Variants in UTRN observed in about 807,000 individuals in gnomAD.
The protein encoded by UTRN is utrophin, also known as dystrophin-related protein 1.
Under a neutral mutation model 463.9 loss-of-function variants are expected in UTRN, and 283 were observed. The observed-to-expected ratio is 0.61, with a 90% CI of 0.55 to 0.67. UTRN has a LOEUF of 0.67. Ranked by LOEUF, UTRN falls within the 30% of genes least tolerant of loss-of-function variation. The probability of loss-of-function intolerance (pLI) is 0.00; values close to 1 mark genes in which losing one functional copy is unlikely to be tolerated. For missense variants in UTRN, 3,922 were observed against 4,084.3 expected (o/e 0.96, Z 1.08); for synonymous variants, 1,442 against 1,431.5 (o/e 1.01, Z -0.17).
At chr6:144,500,874 CT>C (rs1794108884) in intron 34 of UTRN, among the ~76,000 whole-genome samples, 1 of 152,194 alleles carries the variant, frequency 6.6e-6, no homozygotes, top group African/African-American at 2.4e-5. Flanking sequence ...TCCTAAATCT[CT>C]TTCCTGAGAA....
In UTRN at chr6:144,285,359, G is replaced by A. The variant is rs1352243230; in HGVS notation, c.-555G>A. On this transcript the variant is annotated 5_prime_UTR_variant, in exon 1 of 75. Transcript: ENST00000367545. ...CGTTTTTCCTCGGAGCAGGGAAGCG[G>A]GCAGCAGCAGCCGGCCGCGGGCTTT... Among the ~76,000 whole-genome samples, 2 of 152,382 alleles carry A rather than the reference G, an allele frequency of 1.3e-5. No individual in the cohort carries two copies. The highest frequency in any genetic ancestry group is 4.1e-4 in the South Asian group (2 of 4,834).
At chr6:144,709,690 A>G (rs972176947) in intron 53 of UTRN, among the ~76,000 whole-genome samples, 1 of 152,238 alleles carries the variant, frequency 6.6e-6, no homozygotes, top group Admixed American at 6.5e-5. Flanking sequence ...TGTCTAAAGA[A>G]TATCAGATGG....
intron 50 of UTRN, among the ~76,000 whole-genome samples, chr6:144,563,526 G>A (rs1348796786): frequency 6.6e-6 from 1 of 152,034 alleles, no homozygotes; most frequent in African/African-American, 2.4e-5. Flanking sequence ...CGAATGAATG[G>A]GCTTAGGTGA....
At chr6:144,556,540 GT>G (rs1799400888) in intron 49 of UTRN, among the ~76,000 whole-genome samples, 1 of 152,160 alleles carries the variant, frequency 6.6e-6, no homozygotes, top group Non-Finnish European at 1.5e-5. Flanking sequence ...TATATTAAAG[GT>G]TTCAGTTGTC....
Position 144,560,781 on chromosome 6 carries a change from C to A in UTRN, c.7289+3470C>A, listed in dbSNP as rs969760604. ...TTACCATGCAGCTCTTTATTAAAGTCTTTATTTATTCTGGTTAGTATGAAT... is the reference window on the plus strand; with the variant it reads ...TTACCATGCAGCTCTTTATTAAAGTATTTATTTATTCTGGTTAGTATGAAT... On this transcript the variant is annotated intron_variant, in intron 50 of 74. Coordinates refer to ENST00000367545, the MANE Select transcript of UTRN (RefSeq NM_007124.3). 2.6e-5 allele frequency among the ~76,000 whole-genome samples: 4 copies of A among 151,946 alleles called. No individual in the cohort carries two copies. In the South Asian group the frequency reaches 6.2e-4, roughly 24 times the overall value.
At chr6:144,461,938 AGGGGTACTTGTGCAGGATGT>A (rs1378955940) in intron 22 of UTRN, among the ~76,000 whole-genome samples, 1 of 152,068 alleles carries the variant, frequency 6.6e-6, no homozygotes, top group Non-Finnish European at 1.5e-5. Context: ...TTTTAAGTTC[AGGGGTACTTGTGCAGGATGT>A]GCAGGTTTGT....
intron 51 of UTRN, 47 bp downstream of exon 51, chr6:144,577,335 CT>C: frequency 1.3e-6 from 2 of 1,579,964 alleles, no homozygotes; most frequent in Non-Finnish European, 1.7e-6. Flanking sequence ...GCCCTGTGTG[CT>C]TTTGATCCCT....
intron 14 of UTRN, 22 bp from the exon 15 acceptor site, chr6:144,447,189 C>A: frequency 6.3e-7 from 1 of 1,598,570 alleles, no homozygotes; most frequent in Admixed American, 1.8e-5. Context: ...AGATAAAGTT[C>A]AACTTTTGTT....
chr6:144,661,535 C>T (rs1173398135), intron 51 of UTRN, among the ~76,000 whole-genome samples: 1 of 152,160 alleles, frequency 6.6e-6, no homozygotes, highest in African/African-American at 2.4e-5. Context: ...GGTTCTCCCT[C>T]AGCTTGCTCT....
intron 52 of UTRN, among the ~76,000 whole-genome samples, chr6:144,697,344 G>A (rs891153791): frequency 6.6e-6 from 1 of 152,142 alleles, no homozygotes; most frequent in Non-Finnish European, 1.5e-5. Context: ...GTTATCAATA[G>A]TCTTAGAGAA....
chr6:144,570,717 T>C (rs1445174641), intron 50 of UTRN, among the ~76,000 whole-genome samples: 2 of 152,202 alleles, frequency 1.3e-5, no homozygotes, highest in African/African-American at 4.8e-5. Flanking sequence ...AGTGTGCTGC[T>C]GAAGTTACTT....
intron 71 of UTRN, among the ~76,000 whole-genome samples, chr6:144,837,981 C>T (rs185774631): frequency 3.3e-5 from 5 of 152,166 alleles, no homozygotes; most frequent in Admixed American, 6.5e-5. Context: ...ACATTGAAAA[C>T]GTTACATTTT....
intron 2 of UTRN, among the ~76,000 whole-genome samples, chr6:144,385,444 C>T (rs184074504): frequency 6.6e-6 from 1 of 152,188 alleles, no homozygotes; most frequent in East Asian, 1.9e-4. Flanking sequence ...GACATACTTA[C>T]CAGCTATAAG....
intron 58 of UTRN, among the ~76,000 whole-genome samples, chr6:144,769,203 G>A (rs1470137576): frequency 6.6e-6 from 1 of 151,814 alleles, no homozygotes; most frequent in Non-Finnish European, 1.5e-5. Flanking sequence ...TTTGGCAAGA[G>A]GAGCTGAGCT....
intron 51 of UTRN, among the ~76,000 whole-genome samples, chr6:144,629,895 T>C (rs868051764): frequency 6.6e-6 from 1 of 152,204 alleles, no homozygotes; most frequent in South Asian, 2.1e-4. Flanking sequence ...CATTCAAATG[T>C]GGCATTCTGG....
intron 65 of UTRN, among the ~76,000 whole-genome samples, chr6:144,810,134 A>G (rs749609457): frequency 6.6e-6 from 1 of 152,134 alleles, no homozygotes; most frequent in Non-Finnish European, 1.5e-5. Context: ...TTCTGTTTTC[A>G]GTGATAAGGA....
chr6:144,339,787 TA>T (rs1449304266), intron 2 of UTRN, among the ~76,000 whole-genome samples: 3 of 152,206 alleles, frequency 2.0e-5, no homozygotes, highest in Admixed American at 6.5e-5. Flanking sequence ...TTTTTCTTTT[TA>T]AAAAAGCTGA....
At chr6:144,732,299 C>CACACACAT (rs1554360248) in intron 54 of UTRN, among the ~76,000 whole-genome samples, 1 of 128,726 alleles carries the variant, frequency 7.8e-6, no homozygotes, top group Non-Finnish European at 1.6e-5. Context: ...TATATATACA[C>CACACACAT]ATATATATAT....
chr6:144,352,610 T>C lies in UTRN; in HGVS notation c.80-50513T>C, dbSNP rs1778207884. ...TTATGATGAAAATTTATTTGGTGAC[T>C]AAGTGAAGTGTGCACTATTCTTTTA... On this transcript the variant is annotated intron_variant, in intron 2 of 74. Transcript: ENST00000367545. 5.9e-5 allele frequency among the ~76,000 whole-genome samples: 9 copies of C among 152,348 alleles called. No individual in the cohort carries two copies. The South Asian group carries it at 1.9e-3, about 32-fold the overall frequency.
Sources: gnomAD v4.1 joint callset for allele counts (sites outside exome capture counted in the v4.1 genomes callset) on GRCh38, gnomAD v4.1.1 for gene constraint, MANE v1.5 for transcripts, NCBI Gene and HGNC (gene_info 2026-07-23, HGNC 2026-07-21) for gene names.